The following LRIF1 variants were observed in gnomAD, a reference collection of about 807,000 sequenced individuals.
LRIF1 encodes ligand-dependent nuclear receptor-interacting factor 1.
A neutral mutation model predicts 52.7 loss-of-function variants in LRIF1; 32 were observed. That is an observed-to-expected ratio of 0.61 (90% confidence interval 0.46 to 0.82). LRIF1 has a LOEUF of 0.82. LRIF1 is among the 40% of genes least tolerant of loss of function. The pLI, the probability that LRIF1 is intolerant of heterozygous loss-of-function variation, is 0.00. For missense variants in LRIF1, 887 were observed against 892.0 expected (o/e 0.99, Z 0.07); for synonymous variants, 323 against 317.4 (o/e 1.02, Z -0.19).
Position 110,951,702 on chromosome 1 carries a change from G to A in LRIF1, c.1182C>T (p.Asp394=). The A allele has an allele frequency of 6.2e-7, 1 of 1,613,950 alleles. No homozygotes were observed. Among genetic ancestry groups the A allele is most frequent in the Non-Finnish European group, 8.5e-7 (1 of 1,180,010 alleles). The part of the protein sequence containing the change: ...SVSPDTPVRK[D]TLQTVSSSPV... ...GACTTGAACTCACTGTCTGTAACGT[G>A]TCTTTTCTTACTGGAGTATCAGGAG... is the stretch of plus-strand genomic sequence containing the variant. Residue 394 remains aspartate (D), a synonymous_variant, in exon 2 of 4, where the codon GAC becomes GAT. Coordinates refer to ENST00000369763, the MANE Select transcript of LRIF1 (RefSeq NM_018372.4).
the LRIF1 span, among the ~76,000 whole-genome samples, chr1:110,910,647 A>G: frequency 6.6e-6 from 1 of 152,124 alleles, no homozygotes; most frequent in Non-Finnish European, 1.5e-5. Context: ...CATACCAACC[A>G]TGCTCTCTAA....
chr1:110,909,519 A>G, the LRIF1 span, among the ~76,000 whole-genome samples: 2 of 151,562 alleles, frequency 1.3e-5, no homozygotes, highest in Non-Finnish European at 2.9e-5. Flanking sequence ...CTCAAAGTAA[A>G]GGGATGGAGA....
downstream of LRIF1, chr1:110,944,052 T>C (rs1658146043): frequency 1.3e-5 from 2 of 152,206 alleles, no homozygotes; most frequent in African/African-American, 4.8e-5. Flanking sequence ...AGGATCACTC[T>C]GACTGTTTTA....
downstream of LRIF1, among the ~76,000 whole-genome samples, chr1:110,942,839 A>G (rs1658122704): frequency 6.6e-6 from 1 of 152,130 alleles, no homozygotes; most frequent in Admixed American, 6.6e-5. Context: ...TAGACTTCCA[A>G]GTAGAAATGT....
At chr1:110,934,903 C>T in the LRIF1 span, among the ~76,000 whole-genome samples, 1 of 152,154 alleles carries the variant, frequency 6.6e-6, no homozygotes, top group African/African-American at 2.4e-5. Context: ...ATGCTAGCTT[C>T]AGGTATGACA....
At chr1:110,915,107 A>T in the LRIF1 span, among the ~76,000 whole-genome samples, 2 of 152,254 alleles carry the variant, frequency 1.3e-5, no homozygotes, top group Non-Finnish European at 2.9e-5. Flanking sequence ...AAGGAATTAT[A>T]GTACATAGTA....
the LRIF1 span, among the ~76,000 whole-genome samples, chr1:110,878,227 A>G: frequency 2.0e-5 from 3 of 152,192 alleles, no homozygotes; most frequent in Admixed American, 2.0e-4. Context: ...TCTATTATGT[A>G]TCTCAGTTTG....
chr1:110,903,762 G>A, the LRIF1 span, among the ~76,000 whole-genome samples: 1 of 152,202 alleles, frequency 6.6e-6, no homozygotes, highest in Non-Finnish European at 1.5e-5. Flanking sequence ...AAGTAAAGGA[G>A]ACTTTGTCTT....
chr1:110,926,732 T>A, the LRIF1 span, among the ~76,000 whole-genome samples: 2 of 152,134 alleles, frequency 1.3e-5, no homozygotes, highest in African/African-American at 2.4e-5. Context: ...TCAACCCCAA[T>A]ACATAGCCAA....
At chr1:110,912,412 A>G in the LRIF1 span, among the ~76,000 whole-genome samples, 2 of 152,136 alleles carry the variant, frequency 1.3e-5, no homozygotes, top group African/African-American at 4.8e-5. Flanking sequence ...GGGTTTCACC[A>G]TGTTGGCCAA....
At chr1:110,946,550 T>C (rs1658208416), downstream of LRIF1, among the ~76,000 whole-genome samples, 1 of 152,254 alleles carries the variant, frequency 6.6e-6, no homozygotes, top group South Asian at 2.1e-4. Context: ...CTAGCTGATC[T>C]GTGTATTTCA....
chr1:110,895,102 C>A, the LRIF1 span: 1 of 1,390,202 alleles, frequency 7.2e-7, no homozygotes, highest in Non-Finnish European at 1.0e-6. Flanking sequence ...ACTTCATTTT[C>A]AAGCCTAAAT....
the LRIF1 span, among the ~76,000 whole-genome samples, chr1:110,905,091 A>G: frequency 1.3e-5 from 2 of 152,186 alleles, no homozygotes; most frequent in Non-Finnish European, 2.9e-5. Flanking sequence ...GTCAGAGGAG[A>G]TTTAAAAAAA....
the LRIF1 span, among the ~76,000 whole-genome samples, chr1:110,925,738 C>A: frequency 6.6e-6 from 1 of 152,042 alleles, no homozygotes; most frequent in African/African-American, 2.4e-5. Context: ...TCCAAAACAT[C>A]TGCAGGTAAA....
At chr1:110,948,446 TA>T in intron 3 of LRIF1, 47 bp from the exon 4 acceptor site, 2 of 1,549,158 alleles carry the variant, frequency 1.3e-6, no homozygotes, top group Non-Finnish European at 1.7e-6. Flanking sequence ...ATGTTACTGC[TA>T]AATGCACCGG....
the LRIF1 span, among the ~76,000 whole-genome samples, chr1:110,902,517 A>AAAAGAAAAAAAAAAAAAAAAAAAAAAAG: frequency 9.6e-6 from 1 of 104,696 alleles, no homozygotes; most frequent in Admixed American, 1.2e-4. Context: ...AAAAAAAAAA[A>AAAAGAAAAAAAAAAAAAAAAAAAAAAAG]AAAGAAATAC....
intron 3 of LRIF1, among the ~76,000 whole-genome samples, chr1:110,949,123 A>G (rs569600173): frequency 2.0e-5 from 3 of 151,652 alleles, no homozygotes; most frequent in African/African-American, 7.3e-5. Flanking sequence ...TTATATATAT[A>G]TAATTTTTTT....
the LRIF1 span, among the ~76,000 whole-genome samples, chr1:110,890,052 A>G: frequency 2.0e-5 from 3 of 152,194 alleles, no homozygotes; most frequent in African/African-American, 7.2e-5. Context: ...CATCAGGCTT[A>G]TCTACAGCCT....
downstream of LRIF1, among the ~76,000 whole-genome samples, chr1:110,942,601 C>T (rs1475256018): frequency 2.0e-5 from 3 of 151,996 alleles, no homozygotes; most frequent in Admixed American, 6.6e-5. Flanking sequence ...GAGCAATGGT[C>T]GGATTCCAGG....
Sources: gnomAD v4.1 joint callset for allele counts (sites outside exome capture counted in the v4.1 genomes callset) on GRCh38, gnomAD v4.1.1 for gene constraint, MANE v1.5 for transcripts, NCBI Gene and HGNC (gene_info 2026-07-23, HGNC 2026-07-21) for gene names.